The following ZC2HC1C variants were observed in gnomAD, a reference collection of about 807,000 sequenced individuals.
ZC2HC1C encodes the protein zinc finger C2HC-type containing 1C, also known as zinc finger C2HC domain-containing protein 1C.
In ZC2HC1C, 25 loss-of-function variants were observed where a neutral mutation model predicts 39.2. The ratio of observed to expected loss-of-function variants is 0.64; its 90% CI spans 0.47 to 0.89. ZC2HC1C has a LOEUF of 0.89. ZC2HC1C is among the 40% of genes least tolerant of loss of function. The pLI, the probability that ZC2HC1C is intolerant of heterozygous loss-of-function variation, is 0.00. For missense variants in ZC2HC1C, 519 were observed against 548.6 expected (o/e 0.95, Z 0.54); for synonymous variants, 209 against 214.4 (o/e 0.97, Z 0.22).
chr14:75,071,209 G>T lies in ZC2HC1C; in HGVS notation c.636G>T (p.Gln212His), dbSNP rs772457472. Reference protein sequence around the residue: ...VANFDRTEWVQIRRLEAAGES... With the variant: ...VANFDRTEWVHIRRLEAAGES... ...ACTTTGACAGGACGGAGTGGGTGCA[G>T]ATCCGAAGACTAGAAGCTGCAGGGG... Residue 212 changes from glutamine to histidine, a missense_variant, in exon 2 of 3, where the codon CAG becomes CAT. By Grantham distance (24) the Gln-to-His change is conservative. Coordinates refer to ENST00000524913, the MANE Select transcript of ZC2HC1C (RefSeq NM_024643.4). 3.7e-6 allele frequency: 6 copies of T among 1,614,218 alleles called. No homozygotes were observed. The East Asian group carries it at 1.3e-4, about 36-fold the overall frequency.
At position 75,079,613 on chromosome 14, in the gene ZC2HC1C, C is replaced by T. The variant is rs1237238609; in HGVS notation, c.*2049C>T. The T allele has an allele frequency of 2.0e-5, 3 of 152,178 alleles. No individual in the cohort carries two copies. Among genetic ancestry groups the T allele is most frequent in the Admixed American group, 6.5e-5 (1 of 15,284 alleles). The allele number at this position is 152,178 out of a possible 1,614,324, so 9.4% of individuals were successfully genotyped here. ...GCTTTGCTCCACAGATGTTTTATTT[C>T]GCTGGCCTAGCATTCATAATATGAT... On this transcript the variant is annotated 3_prime_UTR_variant, in exon 3 of 3. Coordinates refer to ENST00000524913, the MANE Select transcript of ZC2HC1C (RefSeq NM_024643.4).
chr14:75,070,534 TCTGGTTTA>T lies in ZC2HC1C; in HGVS notation c.-19-20_-19-13del. On this transcript the variant is annotated splice_polypyrimidine_tract_variant and intron_variant, in intron 1 of 2. Coordinates refer to ENST00000524913, the MANE Select transcript of ZC2HC1C (RefSeq NM_024643.4). ...ACCTCAGACAAACTCTTCCCGTGTA[TCTGGTTTA>T]AATCTCCCGTAGGCGTCAGTCCAGG... The T allele has an allele frequency of 1.3e-6, 2 of 1,552,484 alleles. No homozygotes were observed. Among genetic ancestry groups the T allele is most frequent in the Admixed American group, 4.1e-5 (2 of 48,508 alleles).
In ZC2HC1C at chr14:75,070,935, A is replaced by G. The variant is rs1342677500; in HGVS notation, c.362A>G (p.Asn121Ser). Residue 121 changes from asparagine (N) to serine (S), a missense_variant, in exon 2 of 3, where the codon AAT becomes AGT. Physicochemically the swap from Asn to Ser is conservative, Grantham distance 46. Coordinates refer to ENST00000524913, the MANE Select transcript of ZC2HC1C (RefSeq NM_024643.4). Reference protein sequence around the residue: ...SGPQSWYPKANNQDFIPFTKK... With the variant: ...SGPQSWYPKASNQDFIPFTKK... ...CCTCAATCCTGGTATCCCAAAGCCA[A>G]TAACCAGGACTTTATCCCCTTTACA... is the stretch of plus-strand genomic sequence containing the variant. 1 of 1,614,224 alleles carries G rather than the reference A, an allele frequency of 6.2e-7. No homozygotes were observed. The highest frequency in any genetic ancestry group is 8.5e-7 in the Non-Finnish European group (1 of 1,180,034).
At chr14:75,076,307 C>T (rs545508013) in intron 2 of ZC2HC1C, among the ~76,000 whole-genome samples, 3 of 152,176 alleles carry the variant, frequency 2.0e-5, no homozygotes, top group South Asian at 4.1e-4. Context: ...CTTGCTCTGT[C>T]GCCCAGGCTG....
chr14:75,072,335 ACTC>A (rs550562219), intron 2 of ZC2HC1C, among the ~76,000 whole-genome samples: 33 of 152,132 alleles, frequency 2.2e-4, no homozygotes, highest in Non-Finnish European at 3.7e-4. Flanking sequence ...CCTGGAGAGA[ACTC>A]CTCACTCTTT....
chr14:75,071,069 AG>A lies in ZC2HC1C; in HGVS notation c.498del (p.Arg166SerfsTer15), dbSNP rs1427043539. 1.2e-6 allele frequency: 2 copies of A among 1,614,160 alleles called. No homozygotes were observed. The highest frequency in any genetic ancestry group is 2.2e-5 in the South Asian group (2 of 91,080). On this transcript the variant is annotated frameshift_variant, in exon 2 of 3. Coordinates refer to ENST00000524913, the MANE Select transcript of ZC2HC1C (RefSeq NM_024643.4). LOFTEE classifies it high-confidence loss of function. ...TGATGGGGACCATAATGTCTACCCA[AG>A]GCCCCCTGAGCCGAGAGAGTTTTCA... The part of the protein sequence containing the change: ...GTDGDHNVYP[R>X]PPEPREFSSR...
At chr14:75,073,646 T>A in intron 2 of ZC2HC1C, 1 of 1,288,356 alleles carries the variant, frequency 7.8e-7, no homozygotes, top group Non-Finnish European at 1.0e-6. Flanking sequence ...GTGATTTTCC[T>A]GGTATCCTTT....
rs926645699 is a variant in ZC2HC1C at position 75,079,539 on chromosome 14, T to G, written c.*1975T>G. The G allele has an allele frequency of 1.3e-5, 2 of 152,330 alleles. No homozygotes were observed. The highest frequency in any genetic ancestry group is 4.1e-4 in the South Asian group (2 of 4,822). The allele number at this position is 152,330 out of a possible 1,614,324, so 9.4% of individuals were successfully genotyped here. A position where few individuals can be genotyped will look rare whatever the true frequency, so the allele number is the denominator to read the frequency against. The stretch of plus-strand genomic sequence containing the variant: ...ATGTAAACCAGTACATTGCAATAGA[T>G]GGCAAGAGTAAGCTGTGGCCAAGGT... On this transcript the variant is annotated 3_prime_UTR_variant, in exon 3 of 3. Transcript: ENST00000524913.
chr14:75,077,071 A>G (rs1298488152), intron 2 of ZC2HC1C, among the ~76,000 whole-genome samples: 2 of 152,114 alleles, frequency 1.3e-5, no homozygotes, highest in African/African-American at 4.8e-5. Flanking sequence ...TGGTATGTAC[A>G]CTTGTACTTA....
Position 75,077,725 on chromosome 14 carries a change from C to T in ZC2HC1C, c.*161C>T. 1.4e-6 allele frequency: 1 copy of T among 737,626 alleles called. No homozygotes were observed. The highest frequency in any genetic ancestry group is 2.7e-5 in the East Asian group (1 of 37,118). The allele number at this position is 737,626 out of a possible 1,614,324, so 45.7% of individuals were successfully genotyped here. On this transcript the variant is annotated 3_prime_UTR_variant, in exon 3 of 3. Coordinates refer to ENST00000524913, the MANE Select transcript of ZC2HC1C (RefSeq NM_024643.4). ...AGCCACCACTTTGCTCCCAAGGTGG[C>T]TGAGCAACACATTCCCAAGTGTAAG...
Position 75,079,215 on chromosome 14 carries a change from C to CAAAAAAAAAAAAAAA in ZC2HC1C, c.*1657_*1671dup, listed in dbSNP as rs66560922. 1 of 85,248 alleles carries CAAAAAAAAAAAAAAA rather than the reference C, an allele frequency of 1.2e-5. No homozygotes were observed. The highest frequency in any genetic ancestry group is 2.3e-5 in the Non-Finnish European group (1 of 43,598). 5.3% of individuals were successfully genotyped at this position (85,248 alleles called of 1,614,324 possible). On this transcript the variant is annotated 3_prime_UTR_variant, in exon 3 of 3. Coordinates refer to ENST00000524913, the MANE Select transcript of ZC2HC1C (RefSeq NM_024643.4). ...CTGGTGACCTAGTGAGACTCCATCTCAAAAAAAAAAAAAAAAAAAAGAAAA... is the reference window on the plus strand; with the variant it reads ...CTGGTGACCTAGTGAGACTCCATCTCAAAAAAAAAAAAAAAAAAAAAAAAAAAAAAAAAAAGAAAA...
chr14:75,079,698 C>G lies in ZC2HC1C; in HGVS notation c.*2134C>G, dbSNP rs997293429. Reference sequence around the variant, plus strand: ...TGAAAAACTGGAAGTTCTGGAAACACTGGGCCAGCAACCCGCATGGCACAA... The same window carrying G: ...TGAAAAACTGGAAGTTCTGGAAACAGTGGGCCAGCAACCCGCATGGCACAA... On this transcript the variant is annotated 3_prime_UTR_variant, in exon 3 of 3. Transcript: ENST00000524913. 2.6e-5 allele frequency: 4 copies of G among 152,214 alleles called. No homozygotes were observed. Among genetic ancestry groups the G allele is most frequent in the Non-Finnish European group, 5.9e-5 (4 of 68,048 alleles). The allele number at this position is 152,214 out of a possible 1,614,324, so 9.4% of individuals were successfully genotyped here.
chr14:75,070,119 C>G (rs1272933008), intron 1 of ZC2HC1C, among the ~76,000 whole-genome samples: 1 of 152,178 alleles, frequency 6.6e-6, no homozygotes, highest in Non-Finnish European at 1.5e-5. Context: ...TGGGCCACAG[C>G]TTTCTCACCT....
Position 75,070,626 on chromosome 14 carries a change from C to T in ZC2HC1C, c.53C>T (p.Pro18Leu). The change falls in exon 2 of 3, where the codon CCA (proline) becomes CTA (leucine). Residue 18 changes from proline (P) to leucine (L), a missense_variant. Pro to Leu is a moderately conservative substitution (Grantham distance 98). Coordinates refer to ENST00000524913, the MANE Select transcript of ZC2HC1C (RefSeq NM_024643.4). ...ASHLPVGVMLPHNTTEAPGPH... is the reference protein window; with the variant it reads ...ASHLPVGVMLLHNTTEAPGPH... The stretch of plus-strand genomic sequence containing the variant: ...CATCTGCCTGTGGGCGTTATGCTCC[C>T]ACATAATACAACGGAAGCTCCAGGG... 3.7e-6 allele frequency: 6 copies of T among 1,614,140 alleles called. No individual in the cohort carries two copies. Among genetic ancestry groups the T allele is most frequent in the Non-Finnish European group, 5.1e-6 (6 of 1,179,994 alleles).
chr14:75,078,037 G>A lies in ZC2HC1C; in HGVS notation c.*473G>A, dbSNP rs141018737. On this transcript the variant is annotated 3_prime_UTR_variant, in exon 3 of 3. Transcript: ENST00000524913. ...TATGTTATTGCCCTCAGAATTGATG[G>A]GTGAAGACACTGAAGAGTCATGAGC... 6.1e-6 allele frequency: 1 copy of A among 165,232 alleles called. No individual in the cohort carries two copies. Among genetic ancestry groups the A allele is most frequent in the Non-Finnish European group, 1.3e-5 (1 of 76,180 alleles). 10.2% of individuals were successfully genotyped at this position (165,232 alleles called of 1,614,324 possible). A position where few individuals can be genotyped will look rare whatever the true frequency, so the allele number is the denominator to read the frequency against.
chr14:75,071,101 G>C lies in ZC2HC1C; in HGVS notation c.528G>C (p.Arg176Ser). The change falls in exon 2 of 3, where the codon AGG (arginine) becomes AGC (serine). Residue 176 changes from arginine to serine, a missense_variant. Transcript: ENST00000524913. The stretch of plus-strand genomic sequence containing the variant: ...CTGAGCCGAGAGAGTTTTCATCTAG[G>C]AACTTTGGTGTGAGGAACCAGGGCA... ...RPPEPREFSS[R>S]NFGVRNQGNF... 10 of 1,614,212 alleles carry C rather than the reference G, an allele frequency of 6.2e-6. No individual in the cohort carries two copies. Among genetic ancestry groups the C allele is most frequent in the African/African-American group, 1.3e-5 (1 of 75,052 alleles).
chr14:75,077,030 G>A (rs1356817004), intron 2 of ZC2HC1C, among the ~76,000 whole-genome samples: 1 of 152,174 alleles, frequency 6.6e-6, no homozygotes, highest in East Asian at 1.9e-4. Flanking sequence ...TGGGGGCTGA[G>A]TGGGGGAAGG....
intron 2 of ZC2HC1C, chr14:75,073,487 G>A: frequency 1.1e-6 from 1 of 887,420 alleles, no homozygotes; most frequent in Non-Finnish European, 1.6e-6. Flanking sequence ...GGGAATGTGT[G>A]ACATTGAGGA....
chr14:75,070,500 C>T (rs182776113), intron 1 of ZC2HC1C, 55 bp from the exon 2 acceptor site: 27 of 1,522,878 alleles, frequency 1.8e-5, no homozygotes, highest in Admixed American at 6.6e-5. Context: ...CTTTAGCAGC[C>T]GAGAGTGAAC....
Sources: gnomAD v4.1 joint callset for allele counts (sites outside exome capture counted in the v4.1 genomes callset) on GRCh38, gnomAD v4.1.1 for gene constraint, MANE v1.5 for transcripts, NCBI Gene and HGNC (gene_info 2026-07-23, HGNC 2026-07-21) for gene names.